The following KIF3B variants were observed in gnomAD, a reference collection of about 807,000 sequenced individuals.
The protein encoded by KIF3B is kinesin-like protein KIF3B.
A neutral mutation model predicts 74.3 loss-of-function variants in KIF3B; 38 were observed. The ratio of observed to expected loss-of-function variants is 0.51; its 90% confidence interval spans 0.39 to 0.67. The LOEUF (loss-of-function observed/expected upper bound fraction) is 0.67, where lower values mean the gene tolerates loss of function less well. KIF3B is among the 30% of genes least tolerant of loss of function. KIF3B has a pLI of 0.00. For synonymous variants in KIF3B, 326 were observed against 342.5 expected, an observed-to-expected ratio of 0.95 and a Z score of 0.53; for missense variants, 649 against 932.0, an observed-to-expected ratio of 0.70 and a Z score of 3.95.
chr20:32,285,189 T>C (rs1569186918), intron 1 of KIF3B, among the ~76,000 whole-genome samples: 1 of 152,024 alleles, frequency 6.6e-6, no homozygotes, highest in Non-Finnish European at 1.5e-5. Flanking sequence ...GTTACTTGAC[T>C]GATGAGGCCG....
intron 5 of KIF3B, among the ~76,000 whole-genome samples, chr20:32,323,242 A>T (rs1279036412): frequency 6.9e-6 from 1 of 144,100 alleles, no homozygotes; most frequent in Non-Finnish European, 1.5e-5. Flanking sequence ...TTTATACCTA[A>T]AAAAATTAAG....
intron 1 of KIF3B, among the ~76,000 whole-genome samples, chr20:32,306,888 C>CA (rs1269721300): frequency 2.6e-5 from 4 of 152,222 alleles, no homozygotes; most frequent in Admixed American, 2.6e-4. Flanking sequence ...CCACCACGCT[C>CA]AGCCTTTCCT....
chr20:32,315,510 G>A (rs763936811), intron 2 of KIF3B, among the ~76,000 whole-genome samples: 1 of 152,070 alleles, frequency 6.6e-6, no homozygotes, highest in Admixed American at 6.6e-5. Context: ...TTCAAGACCA[G>A]CCCAGACAAC....
intron 7 of KIF3B, among the ~76,000 whole-genome samples, chr20:32,327,865 C>T (rs568032492): frequency 6.6e-6 from 1 of 152,030 alleles, no homozygotes; most frequent in African/African-American, 2.4e-5. Context: ...TTTGAGAGTC[C>T]AAGGTGGGCA....
chr20:32,313,425 A>G (rs1298018739), intron 2 of KIF3B, among the ~76,000 whole-genome samples: 1 of 152,134 alleles, frequency 6.6e-6, no homozygotes, highest in Non-Finnish European at 1.5e-5. Context: ...TCCTACCCCT[A>G]CTGTATGAAG....
chr20:32,329,054 C>T lies in KIF3B; in HGVS notation c.1969-1087C>T, dbSNP rs1329548171. On this transcript the variant is annotated intron_variant, in intron 7 of 8. Transcript: ENST00000375712. Reference sequence around the variant, plus strand: ...TTCCTAGTAGCTGAGACTACAGGCACATGCCACGACACCCAGCTAGTTTTT... The same window carrying T: ...TTCCTAGTAGCTGAGACTACAGGCATATGCCACGACACCCAGCTAGTTTTT... Among the ~76,000 whole-genome samples the T allele has an allele frequency of 2.0e-5, 3 of 152,196 alleles. No homozygotes were observed. In the East Asian group the frequency reaches 5.8e-4, roughly 29 times the overall value.
chr20:32,307,569 A>G (rs759854262), intron 1 of KIF3B, among the ~76,000 whole-genome samples: 10 of 152,192 alleles, frequency 6.6e-5, no homozygotes, highest in Admixed American at 1.3e-4. Flanking sequence ...AAGTATATGC[A>G]TTTTAAATGT....
rs2047927590 is a variant in KIF3B, at chr20:32,331,109, A to G, written c.2148-114A>G. 7.6e-6 allele frequency: 6 copies of G among 787,558 alleles called. No individual in the cohort carries two copies. In the East Asian group the frequency reaches 1.5e-4, roughly 20 times the overall value. The allele number at this position is 787,558 out of a possible 1,614,324, so 48.8% of individuals were successfully genotyped here. On this transcript the variant is annotated intron_variant, in intron 8 of 8. Transcript: ENST00000375712. ...GCCAGTGTAGTGGTTTTACAGTTGA[A>G]CTTGTCGTTTTCAGGCCATTGAAGA...
At chr20:32,280,772 T>G (rs1055464561) in intron 1 of KIF3B, among the ~76,000 whole-genome samples, 1 of 150,430 alleles carries the variant, frequency 6.6e-6, no homozygotes, top group Non-Finnish European at 1.5e-5. Flanking sequence ...GGTAGGACGT[T>G]AGGTTTAGTA....
chr20:32,317,372 C>T (rs188428221), intron 5 of KIF3B, among the ~76,000 whole-genome samples: 20 of 152,270 alleles, frequency 1.3e-4, no homozygotes, highest in African/African-American at 4.8e-4. Context: ...CAGGTGATCT[C>T]CAAGTTCCCT....
chr20:32,317,833 GTCTC>G (rs930289471), intron 5 of KIF3B, among the ~76,000 whole-genome samples: 7 of 152,128 alleles, frequency 4.6e-5, no homozygotes, highest in Non-Finnish European at 5.9e-5. Context: ...TAGAGATAGA[GTCTC>G]TCTATGTTAC....
intron 1 of KIF3B, among the ~76,000 whole-genome samples, chr20:32,309,488 T>C (rs2047788912): frequency 6.6e-6 from 1 of 152,086 alleles, no homozygotes; most frequent in Admixed American, 6.6e-5. Context: ...AGATCAGATA[T>C]TGATTGAGAG....
At chr20:32,292,420 AC>A (rs545103598) in intron 1 of KIF3B, among the ~76,000 whole-genome samples, 7 of 148,458 alleles carry the variant, frequency 4.7e-5, no homozygotes, top group African/African-American at 1.7e-4. Context: ...ACAAAGCAAG[AC>A]CCCCCCCAAC....
chr20:32,319,048 C>T (rs932082580), intron 5 of KIF3B, among the ~76,000 whole-genome samples: 3 of 151,868 alleles, frequency 2.0e-5, no homozygotes, highest in Non-Finnish European at 4.4e-5. Flanking sequence ...GCAACCTCCA[C>T]CTCCTGGGCT....
intron 1 of KIF3B, 61 bp downstream of exon 1, chr20:32,277,826 T>A (rs1219538701): frequency 5.6e-6 from 1 of 179,476 alleles, no homozygotes; most frequent in Non-Finnish European, 1.2e-5. Flanking sequence ...CCTGGGGTTT[T>A]CCCTGCGACC....
At chr20:32,323,100 AT>A (rs1336159168) in intron 5 of KIF3B, among the ~76,000 whole-genome samples, 3 of 101,598 alleles carry the variant, frequency 3.0e-5, no homozygotes, top group Non-Finnish European at 5.7e-5. Context: ...ATATTTATAT[AT>A]TTATATATAT....
rs1259029310 is a variant in KIF3B at position 32,310,363 on chromosome 20, G to T, written c.586G>T (p.Val196Leu). 2 of 1,614,110 alleles carry T rather than the reference G, an allele frequency of 1.2e-6. No homozygotes were observed. The highest frequency in any genetic ancestry group is 1.3e-5 in the African/African-American group (1 of 74,942). Reference protein sequence around the residue: ...SVKEIEHVMNVGNQNRSVGAT... With the variant: ...SVKEIEHVMNLGNQNRSVGAT... ...GAAGGAGATAGAGCATGTGATGAAT[G>T]TGGGGAACCAGAACCGTTCTGTCGG... is the stretch of plus-strand genomic sequence containing the variant. Residue 196 changes from valine (V) to leucine (L), a missense_variant, in exon 2 of 9, where the codon GTG becomes TTG. By Grantham distance (32) the Val-to-Leu change is conservative (BLOSUM62 1). Coordinates refer to ENST00000375712, the MANE Select transcript of KIF3B (RefSeq NM_004798.4). The surrounding 1 kb of genome is among the most constrained non-coding windows in gnomAD (Gnocchi z 6.5).
chr20:32,314,686 T>C (rs781264468), intron 2 of KIF3B, among the ~76,000 whole-genome samples: 1 of 152,158 alleles, frequency 6.6e-6, no homozygotes. Flanking sequence ...CCAGTGAGGT[T>C]TATAAGTTTC....
chr20:32,280,989 TC>T (rs2047640491), intron 1 of KIF3B, among the ~76,000 whole-genome samples: 1 of 152,186 alleles, frequency 6.6e-6, no homozygotes, highest in Non-Finnish European at 1.5e-5. Flanking sequence ...TTTTGTTGTG[TC>T]CCTAGACTTC....
Sources: gnomAD v4.1 joint callset for allele counts (sites outside exome capture counted in the v4.1 genomes callset) on GRCh38, gnomAD v4.1.1 for gene constraint, Gnocchi (gnomAD v3.1) non-coding constraint, MANE v1.5 for transcripts, NCBI Gene and HGNC (gene_info 2026-07-23, HGNC 2026-07-21) for gene names.